The following PDSS2 variants were observed in gnomAD, a reference collection of about 807,000 sequenced individuals.
The protein encoded by PDSS2 is decaprenyl diphosphate synthase subunit 2.
In PDSS2, 31 loss-of-function variants were observed where a neutral mutation model predicts 44.5. The observed-to-expected ratio is 0.70, with a 90% CI of 0.52 to 0.94. PDSS2 has a LOEUF of 0.94. Among genes scored for constraint, PDSS2 ranks in the 40% least tolerant of loss-of-function variants. PDSS2 has a pLI of 0.00. For missense variants in PDSS2, 452 were observed against 482.2 expected, an observed-to-expected ratio of 0.94 and a Z score of 0.59; for synonymous variants, 157 against 180.3, an observed-to-expected ratio of 0.87 and a Z score of 1.03.
intron 7 of PDSS2, among the ~76,000 whole-genome samples, chr6:107,160,110 G>C (rs1404052071): frequency 6.6e-6 from 1 of 152,144 alleles, no homozygotes; most frequent in African/African-American, 2.4e-5. Flanking sequence ...CAGCTACTTG[G>C]GAGGCTGAGG....
intron 2 of PDSS2, among the ~76,000 whole-genome samples, chr6:107,289,427 A>C (rs1776272478): frequency 6.6e-6 from 1 of 151,526 alleles, no homozygotes; most frequent in South Asian, 2.1e-4. Context: ...GCAGTGGCTC[A>C]TGCCTATCAT....
At chr6:107,403,526 C>A (rs1780212916) in intron 1 of PDSS2, among the ~76,000 whole-genome samples, 1 of 152,230 alleles carries the variant, frequency 6.6e-6, no homozygotes, top group South Asian at 2.1e-4. Context: ...GGCTCTGACC[C>A]CACATTTCCC....
intron 3 of PDSS2, among the ~76,000 whole-genome samples, chr6:107,267,547 T>C (rs559281390): frequency 8.0e-4 from 121 of 151,198 alleles, no homozygotes; most frequent in African/African-American, 2.9e-3. Flanking sequence ...ACATTTGAGA[T>C]GAAATAAAAT....
chr6:107,334,059 T>C, intron 2 of PDSS2, 139 bp downstream of exon 2: 1 of 806,224 alleles, frequency 1.2e-6, no homozygotes, highest in Non-Finnish European at 2.1e-6. Flanking sequence ...TTATGAACAA[T>C]AAAAATCCAT....
At chr6:107,222,324 A>T (rs1004844115) in intron 4 of PDSS2, among the ~76,000 whole-genome samples, 6 of 152,182 alleles carry the variant, frequency 3.9e-5, no homozygotes, top group African/African-American at 1.4e-4. Context: ...TTATTATAAC[A>T]GCCCTCAGAA....
chr6:107,166,361 G>GTTTT (rs34385593), intron 7 of PDSS2, among the ~76,000 whole-genome samples: 13 of 100,958 alleles, frequency 1.3e-4, no homozygotes, highest in African/African-American at 4.2e-4. Flanking sequence ...TTTATTGAGA[G>GTTTT]TTTTTTTTTT....
intron 1 of PDSS2, among the ~76,000 whole-genome samples, chr6:107,425,454 G>T (rs563797755): frequency 5.9e-5 from 9 of 152,304 alleles, no homozygotes; most frequent in South Asian, 2.1e-4. Context: ...TGAGGAACTT[G>T]TTGGGAACCG....
intron 1 of PDSS2, among the ~76,000 whole-genome samples, chr6:107,338,862 A>C (rs1186998197): frequency 1.3e-5 from 2 of 152,076 alleles, no homozygotes; most frequent in Non-Finnish European, 2.9e-5. Context: ...AGGGTTCCCT[A>C]TGTAGAGGAG....
chr6:107,220,192 C>T (rs1411266808), intron 4 of PDSS2, among the ~76,000 whole-genome samples: 3 of 151,952 alleles, frequency 2.0e-5, no homozygotes, highest in East Asian at 1.9e-4. Context: ...ATCATTGAAT[C>T]GTAGGCTTGA....
intron 7 of PDSS2, chr6:107,192,443 TG>T: frequency 2.1e-6 from 1 of 477,372 alleles, no homozygotes; most frequent in South Asian, 1.6e-5. Context: ...AATCCTTAAC[TG>T]GGGAGAAAAG....
chr6:107,334,729 G>A (rs1295480693), intron 1 of PDSS2, among the ~76,000 whole-genome samples: 1 of 143,944 alleles, frequency 6.9e-6, no homozygotes, highest in African/African-American at 2.6e-5. Flanking sequence ...AAAAAAAAAC[G>A]TAGAGTCAGA....
At chr6:107,440,769 T>C (rs764618145) in intron 1 of PDSS2, among the ~76,000 whole-genome samples, 3 of 152,162 alleles carry the variant, frequency 2.0e-5, no homozygotes, top group Non-Finnish European at 4.4e-5. Flanking sequence ...GAATACTGTA[T>C]ACAGGAGGAA....
chr6:107,206,228 C>T (rs9486560), intron 6 of PDSS2, among the ~76,000 whole-genome samples: 42,719 of 151,868 alleles, frequency 0.28, 6,253 homozygotes, highest in East Asian at 0.49. Context: ...TGCGCCACCA[C>T]GCCCAGCTAA....
chr6:107,291,557 G>GT (rs1562440181), intron 2 of PDSS2, among the ~76,000 whole-genome samples: 1 of 148,960 alleles, frequency 6.7e-6, no homozygotes, highest in African/African-American at 2.5e-5. Context: ...GAGACGGGGG[G>GT]GTCTCACTAT....
chr6:107,289,683 GAA>G (rs1776281774), intron 2 of PDSS2, among the ~76,000 whole-genome samples: 1 of 152,150 alleles, frequency 6.6e-6, no homozygotes, highest in South Asian at 2.1e-4. Flanking sequence ...GAGACAGAAT[GAA>G]ACCCTGTCTC....
At chr6:107,286,680 AAAGAGGTAATTCC>A in intron 2 of PDSS2, among the ~76,000 whole-genome samples, 1 of 152,278 alleles carries the variant, frequency 6.6e-6, no homozygotes, top group South Asian at 2.1e-4. Flanking sequence ...GAAAAGGTAC[AAAGAGGTAATTCC>A]AGAAGAAATA....
At chr6:107,405,364 A>G (rs1192517552) in intron 1 of PDSS2, among the ~76,000 whole-genome samples, 3 of 152,050 alleles carry the variant, frequency 2.0e-5, no homozygotes, top group African/African-American at 7.2e-5. Flanking sequence ...GTCTTATAAA[A>G]CAATTACAAA....
intron 6 of PDSS2, among the ~76,000 whole-genome samples, chr6:107,199,701 T>C (rs963937812): frequency 2.0e-5 from 3 of 152,228 alleles, no homozygotes; most frequent in African/African-American, 7.2e-5. Context: ...TTGAGATCAG[T>C]GTCTGAGTGA....
intron 1 of PDSS2, among the ~76,000 whole-genome samples, chr6:107,334,923 AAGGTGGTCAGATGAGCCT>A (rs1777836578): frequency 6.6e-6 from 1 of 151,986 alleles, no homozygotes; most frequent in African/African-American, 2.4e-5. Context: ...TTGGGGGGCC[AAGGTGGTCAGATGAGCCT>A]AGGAGCTTGA....
Sources: allele counts gnomAD v4.1 joint callset (sites outside exome capture counted in the v4.1 genomes callset), GRCh38; gene constraint gnomAD v4.1.1; transcripts MANE v1.5; gene names NCBI Gene and HGNC (gene_info 2026-07-23, HGNC 2026-07-21).